PCP4L1: variants seen among roughly 807,000 people sequenced by gnomAD.
PCP4L1 encodes Purkinje cell protein 4 like 1, also known as Purkinje cell protein 4-like protein 1.
A neutral mutation model predicts 9.6 loss-of-function variants in PCP4L1; 9 were observed. The observed-to-expected ratio is 0.94, with a 90% CI of 0.57 to 1.64. The LOEUF (loss-of-function observed/expected upper bound fraction) is 1.64, where lower values mean the gene tolerates loss of function less well. PCP4L1 is among the 40% of genes most tolerant of loss of function. The probability of loss-of-function intolerance (pLI) is 0.00; values close to 1 mark genes in which losing one functional copy is unlikely to be tolerated. For missense variants in PCP4L1, 81 were observed against 80.8 expected (o/e 1.00, Z -0.01); for synonymous variants, 31 against 28.2 (o/e 1.10, Z -0.31).
chr1:161,258,848 C>T lies in PCP4L1; in HGVS notation c.-127C>T, dbSNP rs1669365478. 1 of 1,394,578 alleles carries T rather than the reference C, an allele frequency of 7.2e-7. No individual in the cohort carries two copies. Among genetic ancestry groups the T allele is most frequent in the Non-Finnish European group, 9.8e-7 (1 of 1,020,304 alleles). 86.4% of individuals were successfully genotyped at this position (1,394,578 alleles called of 1,614,324 possible). A position where few individuals can be genotyped will look rare whatever the true frequency, so the allele number is the denominator to read the frequency against. The stretch of plus-strand genomic sequence containing the variant: ...AGCAGCGGCTCTCCGCACTAACTCT[C>T]CTCTCCTGGTCAGCTGTAACCCCTG... On this transcript the variant is annotated 5_prime_UTR_variant, in exon 1 of 3. Transcript: ENST00000504449.
chr1:161,272,053 G>T (rs1215689645), intron 1 of PCP4L1, among the ~76,000 whole-genome samples: 1 of 151,364 alleles, frequency 6.6e-6, no homozygotes, highest in Non-Finnish European at 1.5e-5. Flanking sequence ...TGATCTGCCT[G>T]CCTTGGCTTC....
rs183602302 is a variant in PCP4L1, at chr1:161,283,589, A to G, written c.10-79A>G. On this transcript the variant is annotated intron_variant, in intron 1 of 2. Transcript: ENST00000504449. ...ACCTGGTAATAGGGTTTGAGAGTAT[A>G]TAAGAGGTCTAAGGTGATGATGCCT... is the stretch of plus-strand genomic sequence containing the variant. 82 of 1,322,290 alleles carry G rather than the reference A, an allele frequency of 6.2e-5. No homozygotes were observed. In the Middle Eastern group the frequency reaches 1.0e-3, roughly 17 times the overall value. 81.9% of individuals were successfully genotyped at this position (1,322,290 alleles called of 1,614,324 possible). A position where few individuals can be genotyped will look rare whatever the true frequency, so the allele number is the denominator to read the frequency against.
At chr1:161,274,686 G>C (rs1669672482) in intron 1 of PCP4L1, among the ~76,000 whole-genome samples, 1 of 152,194 alleles carries the variant, frequency 6.6e-6, no homozygotes, top group African/African-American at 2.4e-5. Flanking sequence ...ACTAATAAAG[G>C]ACTGAGCACC....
intron 1 of PCP4L1, among the ~76,000 whole-genome samples, chr1:161,278,206 C>G (rs1230945820): frequency 6.6e-6 from 1 of 152,146 alleles, no homozygotes; most frequent in Non-Finnish European, 1.5e-5. Flanking sequence ...AAGAAAGGCT[C>G]TTTGATAGAG....
rs1669364349 is a variant in PCP4L1 at position 161,258,806 on chromosome 1, C to G, written c.-169C>G. On this transcript the variant is annotated 5_prime_UTR_variant, in exon 1 of 3. Transcript: ENST00000504449. Reference sequence around the variant, plus strand: ...TGGCCGGAGCTGGGCTCCGAGAATCCCGGGTGCCAGCACCAGAGCAGCGGC... The same window carrying G: ...TGGCCGGAGCTGGGCTCCGAGAATCGCGGGTGCCAGCACCAGAGCAGCGGC... 1.9e-6 allele frequency: 2 copies of G among 1,080,836 alleles called. No homozygotes were observed. Among genetic ancestry groups the G allele is most frequent in the Non-Finnish European group, 2.7e-6 (2 of 744,598 alleles). The allele number at this position is 1,080,836 out of a possible 1,614,324, so 67.0% of individuals were successfully genotyped here.
chr1:161,276,647 C>T (rs185525320), intron 1 of PCP4L1, among the ~76,000 whole-genome samples: 3 of 149,072 alleles, frequency 2.0e-5, no homozygotes, highest in Admixed American at 1.3e-4. Context: ...TGCCACTGCA[C>T]TCCAGCCTGG....
chr1:161,263,442 T>C (rs1309858768), intron 1 of PCP4L1, among the ~76,000 whole-genome samples: 2 of 152,108 alleles, frequency 1.3e-5, no homozygotes, highest in Admixed American at 6.6e-5. Flanking sequence ...TTTCACTATG[T>C]TGGCCAGACT....
chr1:161,258,778 G>T lies in PCP4L1; in HGVS notation c.-197G>T. The T allele has an allele frequency of 2.4e-6, 2 of 836,724 alleles. No individual in the cohort carries two copies. Among genetic ancestry groups the T allele is most frequent in the Non-Finnish European group, 3.7e-6 (2 of 536,858 alleles). The allele number at this position is 836,724 out of a possible 1,614,324, so 51.8% of individuals were successfully genotyped here. A position where few individuals can be genotyped will look rare whatever the true frequency, so the allele number is the denominator to read the frequency against. On this transcript the variant is annotated 5_prime_UTR_variant, in exon 1 of 3. Transcript: ENST00000504449. ...CTGACAGGACGGGTCGCAGGGGGTC[G>T]CCTGGCCGGAGCTGGGCTCCGAGAA... is the stretch of plus-strand genomic sequence containing the variant.
At chr1:161,281,552 G>A (rs549527728) in intron 1 of PCP4L1, among the ~76,000 whole-genome samples, 1,880 of 150,996 alleles carry the variant, frequency 0.012, 40 homozygotes, top group African/African-American at 0.044. Context: ...GCAGCTGGCC[G>A]GGCGGGGGCT....
chr1:161,273,410 G>A (rs1669652132), intron 1 of PCP4L1, among the ~76,000 whole-genome samples: 1 of 151,896 alleles, frequency 6.6e-6, no homozygotes, highest in Non-Finnish European at 1.5e-5. Flanking sequence ...TATTGCTTGA[G>A]TGAGAACCTG....
At chr1:161,283,520 T>G (rs1270686935) in intron 1 of PCP4L1, 148 bp from the exon 2 acceptor site, 1 of 674,806 alleles carries the variant, frequency 1.5e-6, no homozygotes, top group African/African-American at 1.8e-5. Context: ...TTTCCTCTGG[T>G]CTCTGATCTC....
In PCP4L1 at chr1:161,258,994, C is replaced by CG. The variant is rs1025843704; in HGVS notation, c.9+13dup. The CG allele has an allele frequency of 3.3e-6, 5 of 1,531,498 alleles. No homozygotes were observed. Among genetic ancestry groups the CG allele is most frequent in the Middle Eastern group, 2.1e-4 (1 of 4,738 alleles). 94.9% of individuals were successfully genotyped at this position (1,531,498 alleles called of 1,614,324 possible). A position where few individuals can be genotyped will look rare whatever the true frequency, so the allele number is the denominator to read the frequency against. Reference sequence around the variant, plus strand: ...GCGGAGATGAGCGAGGTGAGCGGTGCGGCCCCCGGCGCTGTCGGCAGGGCT... The same window carrying CG: ...GCGGAGATGAGCGAGGTGAGCGGTGCGGGCCCCCGGCGCTGTCGGCAGGGCT... On this transcript the variant is annotated intron_variant, in intron 1 of 2. Transcript: ENST00000504449.
intron 1 of PCP4L1, among the ~76,000 whole-genome samples, chr1:161,274,681 T>TA (rs1464548047): frequency 6.6e-6 from 1 of 152,172 alleles, no homozygotes; most frequent in Non-Finnish European, 1.5e-5. Context: ...CAGAGACTAA[T>TA]AAAGGACTGA....
Position 161,258,946 on chromosome 1 carries a change from C to A in PCP4L1, c.-29C>A. 2 of 1,534,700 alleles carry A rather than the reference C, an allele frequency of 1.3e-6. No homozygotes were observed. Among genetic ancestry groups the A allele is most frequent in the Non-Finnish European group, 1.7e-6 (2 of 1,146,132 alleles). ...CCACTCGCCTCACCTGTGCGTGCAG[C>A]GCCTCGCGCGCCCTGTCCGGCTGCG... is the stretch of plus-strand genomic sequence containing the variant. On this transcript the variant is annotated 5_prime_UTR_variant, in exon 1 of 3. Coordinates refer to ENST00000504449, the MANE Select transcript of PCP4L1 (RefSeq NM_001102566.2).
At position 161,258,803 on chromosome 1, in the gene PCP4L1, A is replaced by G; in HGVS notation, c.-172A>G. 1 of 1,056,206 alleles carries G rather than the reference A, an allele frequency of 9.5e-7. No homozygotes were observed. Among genetic ancestry groups the G allele is most frequent in the East Asian group, 2.7e-5 (1 of 37,206 alleles). 65.4% of individuals were successfully genotyped at this position (1,056,206 alleles called of 1,614,324 possible). A position where few individuals can be genotyped will look rare whatever the true frequency, so the allele number is the denominator to read the frequency against. On this transcript the variant is annotated 5_prime_UTR_variant, in exon 1 of 3. Transcript: ENST00000504449. ...GCCTGGCCGGAGCTGGGCTCCGAGA[A>G]TCCCGGGTGCCAGCACCAGAGCAGC...
intron 1 of PCP4L1, among the ~76,000 whole-genome samples, chr1:161,273,671 G>A (rs952524771): frequency 4.6e-5 from 7 of 152,162 alleles, no homozygotes; most frequent in African/African-American, 7.2e-5. Context: ...AGTCAGCCTC[G>A]TGTATCAGGA....
intron 1 of PCP4L1, among the ~76,000 whole-genome samples, chr1:161,269,166 G>A (rs1225160604): frequency 6.6e-6 from 1 of 152,084 alleles, no homozygotes; most frequent in Non-Finnish European, 1.5e-5. Context: ...CAAGACATGG[G>A]TTGTAGTTAT....
At chr1:161,265,894 C>T (rs767882326) in intron 1 of PCP4L1, among the ~76,000 whole-genome samples, 53 of 151,830 alleles carry the variant, frequency 3.5e-4, no homozygotes, top group Non-Finnish European at 6.2e-4. Flanking sequence ...CCCAACACCA[C>T]GCCCGGCTAA....
chr1:161,260,868 T>C (rs1337429908), intron 1 of PCP4L1, among the ~76,000 whole-genome samples: 1 of 152,118 alleles, frequency 6.6e-6, no homozygotes, highest in Non-Finnish European at 1.5e-5. Flanking sequence ...ACTAGCAATT[T>C]AGTCATAGAA....
Sources: gnomAD v4.1 joint callset for allele counts (sites outside exome capture counted in the v4.1 genomes callset) on GRCh38, gnomAD v4.1.1 for gene constraint, MANE v1.5 for transcripts, NCBI Gene and HGNC (gene_info 2026-07-23, HGNC 2026-07-21) for gene names.